The following MAP2K3 variants were observed in gnomAD, a reference collection of about 807,000 sequenced individuals.
MAP2K3 encodes the protein dual specificity mitogen-activated protein kinase kinase 3.
MAP2K3 carries 30 observed loss-of-function variants against 46.4 expected under a neutral mutation model. That is an observed-to-expected ratio of 0.65 (90% confidence interval 0.48 to 0.88). MAP2K3 has a LOEUF of 0.88. MAP2K3 is among the 40% of genes least tolerant of loss of function. The pLI, the probability that MAP2K3 is intolerant of heterozygous loss-of-function variation, is 0.00. For synonymous variants in MAP2K3, 189 were observed against 176.3 expected, an observed-to-expected ratio of 1.07 and a Z score of -0.57; for missense variants, 380 against 464.5, an observed-to-expected ratio of 0.82 and a Z score of 1.67.
intron 1 of MAP2K3, among the ~76,000 whole-genome samples, chr17:21,294,769 C>T (rs557077245): frequency 9.6e-3 from 1,465 of 151,836 alleles, no homozygotes; most frequent in African/African-American, 0.031. Flanking sequence ...CTAATCTCCA[C>T]GCGCCAGGCA....
chr17:21,305,139 G>C lies in MAP2K3; in HGVS notation c.774+11G>C. 1.9e-6 allele frequency: 3 copies of C among 1,614,316 alleles called. No homozygotes were observed. Among genetic ancestry groups the C allele is most frequent in the Non-Finnish European group, 2.5e-6 (3 of 1,180,058 alleles). On this transcript the variant is annotated intron_variant, in intron 9 of 11. Transcript: ENST00000342679. Reference sequence around the variant, plus strand: ...CTGGGCATCACCATGGTACTGTGGGGGGCCAGGGCCTGCCCTTGGTGGTCA... The same window carrying C: ...CTGGGCATCACCATGGTACTGTGGGCGGCCAGGGCCTGCCCTTGGTGGTCA...
At chr17:21,298,959 TC>T in intron 3 of MAP2K3, 33 bp downstream of exon 3, 1 of 1,613,502 alleles carries the variant, frequency 6.2e-7, no homozygotes, top group Non-Finnish European at 8.5e-7. Flanking sequence ...GCAGGGCCTC[TC>T]ACTTCACCTG....
intron 1 of MAP2K3, among the ~76,000 whole-genome samples, chr17:21,286,793 A>G (rs1975735257): frequency 6.6e-6 from 1 of 152,226 alleles, no homozygotes; most frequent in South Asian, 2.1e-4. Flanking sequence ...ATGAACTTCT[A>G]GATGTGGACC....
intron 7 of MAP2K3, 24 bp from the exon 8 acceptor site, chr17:21,304,402 C>A (rs756845870): frequency 1.2e-6 from 2 of 1,614,276 alleles, no homozygotes; most frequent in Non-Finnish European, 1.7e-6. Flanking sequence ...ACAGACGTGG[C>A]TGAGGCATGT....
intron 1 of MAP2K3, among the ~76,000 whole-genome samples, chr17:21,294,312 G>T (rs1374258471): frequency 6.6e-6 from 1 of 152,312 alleles, no homozygotes; most frequent in African/African-American, 2.4e-5. Flanking sequence ...TCAGGTGAGG[G>T]CAGTGAACTA....
intron 9 of MAP2K3, among the ~76,000 whole-genome samples, chr17:21,305,942 C>G (rs1389679751): frequency 6.6e-6 from 1 of 152,308 alleles, no homozygotes; most frequent in African/African-American, 2.4e-5. Flanking sequence ...GGAAGCCTGG[C>G]CCAGGACATT....
chr17:21,305,311 G>A (rs1185046438), intron 9 of MAP2K3, among the ~76,000 whole-genome samples, 183 bp downstream of exon 9: 5 of 152,294 alleles, frequency 3.3e-5, no homozygotes, highest in African/African-American at 1.2e-4. Context: ...AACCTCCTAG[G>A]GTCAGGGTCA....
chr17:21,312,850 G>A (rs1487262805), intron 10 of MAP2K3, among the ~76,000 whole-genome samples: 1 of 151,810 alleles, frequency 6.6e-6, no homozygotes, highest in Middle Eastern at 3.4e-3. Flanking sequence ...GGGAGCCGGA[G>A]GTTGCAGTGA....
chr17:21,298,523 TC>T, intron 2 of MAP2K3, 44 bp downstream of exon 2: 1 of 1,614,182 alleles, frequency 6.2e-7, no homozygotes, highest in Non-Finnish European at 8.5e-7. Flanking sequence ...TGGAGAGGCT[TC>T]CCGAACAGGG....
At chr17:21,301,676 C>T (rs531919184) in intron 5 of MAP2K3, among the ~76,000 whole-genome samples, 1 of 152,310 alleles carries the variant, frequency 6.6e-6, no homozygotes, top group Non-Finnish European at 1.5e-5. Flanking sequence ...TGCGGGTGCC[C>T]CCTGCGCATC....
chr17:21,300,961 A>ACTGTCAC lies in MAP2K3; in HGVS notation c.370_376dup (p.Phe126CysfsTer34). 1 of 1,614,166 alleles carries ACTGTCAC rather than the reference A, an allele frequency of 6.2e-7. No homozygotes were observed. Among genetic ancestry groups the ACTGTCAC allele is most frequent in the Non-Finnish European group, 8.5e-7 (1 of 1,179,980 alleles). On this transcript the variant is annotated frameshift_variant, in exon 5 of 12. Coordinates refer to ENST00000342679, the MANE Select transcript of MAP2K3 (RefSeq NM_145109.3). LOFTEE classifies it high-confidence loss of function. ...CATGCGCACGGTCGACTGTTTCTAC[A>ACTGTCAC]CTGTCACCTTCTACGGGGCACTATT...
At chr17:21,301,256 AC>A (rs561867833) in intron 5 of MAP2K3, among the ~76,000 whole-genome samples, 495 of 152,182 alleles carry the variant, frequency 3.3e-3, no homozygotes, top group African/African-American at 0.011. Flanking sequence ...ATTCAGCTGC[AC>A]TCAGTTCTGT....
chr17:21,291,764 A>G (rs1274065072), intron 1 of MAP2K3: 10 of 369,262 alleles, frequency 2.7e-5, no homozygotes, highest in Non-Finnish European at 4.8e-5. Flanking sequence ...GTGTGTTGTC[A>G]TCAACCCCAT....
chr17:21,303,372 C>A (rs1976714491), intron 7 of MAP2K3, 138 bp downstream of exon 7: 3 of 1,241,596 alleles, frequency 2.4e-6, no homozygotes, highest in Admixed American at 4.1e-5. Context: ...GTTCCAGCCG[C>A]TTTCCACCTG....
chr17:21,305,753 T>C, intron 9 of MAP2K3, among the ~76,000 whole-genome samples: 1 of 152,420 alleles, frequency 6.6e-6, no homozygotes, highest in South Asian at 2.1e-4. Flanking sequence ...CTGTGGACAG[T>C]GGATTGGAGG....
chr17:21,304,390 C>T (rs752222934), intron 7 of MAP2K3, 36 bp from the exon 8 acceptor site: 2 of 1,614,208 alleles, frequency 1.2e-6, no homozygotes, highest in South Asian at 2.2e-5. Context: ...CAGTCGTGCT[C>T]CACAGACGTG....
Position 21,304,343 on chromosome 17 carries a change from AG to A in MAP2K3, c.569-77del, listed in dbSNP as rs1412222083. 10 of 1,604,836 alleles carry A rather than the reference AG, an allele frequency of 6.2e-6. No individual in the cohort carries two copies. The South Asian group carries it at 6.7e-5, about 11-fold the overall frequency. ...GCACAGGAGGGGTCTTGGGCGAGGGAGGGGGGCACAGCTATGCAGAGCATGG... is the reference window on the plus strand; with the variant it reads ...GCACAGGAGGGGTCTTGGGCGAGGGAGGGGGCACAGCTATGCAGAGCATGG... On this transcript the variant is annotated intron_variant, in intron 7 of 11. Coordinates refer to ENST00000342679, the MANE Select transcript of MAP2K3 (RefSeq NM_145109.3).
intron 2 of MAP2K3, 146 bp from the exon 3 acceptor site, chr17:21,298,732 C>G: frequency 8.0e-7 from 1 of 1,242,948 alleles, no homozygotes; most frequent in Non-Finnish European, 1.2e-6. Context: ...TGCTCAGCAG[C>G]CAGTGAGAGG....
At chr17:21,286,927 C>G (rs968720556) in intron 1 of MAP2K3, among the ~76,000 whole-genome samples, 2 of 152,144 alleles carry the variant, frequency 1.3e-5, no homozygotes, top group Admixed American at 6.5e-5. Flanking sequence ...TGCCCTTCAC[C>G]AAAAACCCTA....
Sources: allele counts gnomAD v4.1 joint callset (sites outside exome capture counted in the v4.1 genomes callset), GRCh38; gene constraint gnomAD v4.1.1; transcripts MANE v1.5; gene names NCBI Gene and HGNC (gene_info 2026-07-23, HGNC 2026-07-21).